The following MAGED1 variants were observed in gnomAD, a reference collection of about 807,000 sequenced individuals.
MAGED1 encodes the protein melanoma-associated antigen D1.
A neutral mutation model predicts 54.1 loss-of-function variants in MAGED1; 3 were observed. The observed-to-expected ratio is 0.06, with a 90% CI of 0.03 to 0.14. MAGED1 has a LOEUF of 0.14. Ranked by LOEUF, MAGED1 falls within the 10% of genes least tolerant of loss-of-function variation. The pLI, the probability that MAGED1 is intolerant of heterozygous loss-of-function variation, is 1.00. For synonymous variants in MAGED1, 217 were observed against 227.3 expected (o/e 0.95, Z 0.41); for missense variants, 485 against 623.4 (o/e 0.78, Z 2.36).
At chrX:51,894,763 A>T (rs1928644013) in intron 2 of MAGED1, 2 of 1,147,468 alleles carry the variant, frequency 1.7e-6, no homozygotes, top group Non-Finnish European at 2.3e-6. Context: ...CTGAGCTGCT[A>T]CTGCACGCCT....
chrX:51,848,891 TTCTTTTTTTTC>T (rs1213745134), intron 1 of MAGED1, among the ~76,000 whole-genome samples: 16 of 111,011 alleles, frequency 1.4e-4, no homozygotes, highest in Non-Finnish European at 1.9e-4. Flanking sequence ...TGTTTTTTAT[TTCTTTTTTTTC>T]TCTTTTTTTT....
intron 1 of MAGED1, among the ~76,000 whole-genome samples, chrX:51,856,793 C>T (rs1362013544): frequency 3.6e-5 from 4 of 111,439 alleles, no homozygotes; most frequent in Admixed American, 9.5e-5. Flanking sequence ...GTATTCCTTA[C>T]GCAGGGAAAT....
chrX:51,867,092 A>G (rs1011805202), intron 1 of MAGED1, among the ~76,000 whole-genome samples: 1 of 111,979 alleles, frequency 8.9e-6, no homozygotes, highest in East Asian at 2.8e-4. Context: ...TACTGATAAC[A>G]CTTCAGAGAA....
chrX:51,902,086 A>G, intron 12 of MAGED1, 60 bp from the exon 13 acceptor site: 1 of 481,649 alleles, frequency 2.1e-6, no homozygotes, highest in Non-Finnish European at 3.2e-6. Context: ...TGGTATGTAT[A>G]TTCCTTATTA....
intron 1 of MAGED1, among the ~76,000 whole-genome samples, chrX:51,842,158 A>C (rs1351422948): frequency 8.9e-6 from 1 of 112,006 alleles, no homozygotes; most frequent in African/African-American, 3.2e-5. Flanking sequence ...TCTCTACCTC[A>C]TTCATGGAGG....
At chrX:51,811,078 G>T (rs1426662896) in intron 1 of MAGED1, among the ~76,000 whole-genome samples, 8 of 111,847 alleles carry the variant, frequency 7.2e-5, no homozygotes, top group African/African-American at 2.6e-4. Flanking sequence ...TAATGTTAAA[G>T]CATAGTTACA....
At chrX:51,833,177 G>A (rs1364147182) in intron 1 of MAGED1, among the ~76,000 whole-genome samples, 4 of 110,836 alleles carry the variant, frequency 3.6e-5, no homozygotes, top group Non-Finnish European at 7.6e-5. Context: ...TGAATCCTTT[G>A]AAATGTTTAT....
intron 1 of MAGED1, among the ~76,000 whole-genome samples, chrX:51,825,050 G>A (rs782696369): frequency 9.1e-6 from 1 of 110,242 alleles, no homozygotes; most frequent in Non-Finnish European, 1.9e-5. Flanking sequence ...GGATTTAGGG[G>A]CTTATCAAAG....
intron 9 of MAGED1, 74 bp from the exon 10 acceptor site, chrX:51,898,507 C>A (rs1928865387): frequency 9.7e-7 from 1 of 1,030,354 alleles, no homozygotes; most frequent in Non-Finnish European, 1.3e-6. Context: ...TTTCTCATCT[C>A]TGACCTCTGT....
chrX:51,865,912 C>A (rs138973647), intron 1 of MAGED1, among the ~76,000 whole-genome samples: 219 of 111,716 alleles, frequency 2.0e-3, no homozygotes, highest in African/African-American at 6.9e-3. Context: ...CCACCCTTCT[C>A]TCTCTTCCTC....
At chrX:51,841,824 T>C (rs979928960) in intron 1 of MAGED1, among the ~76,000 whole-genome samples, 2 of 112,074 alleles carry the variant, frequency 1.8e-5, no homozygotes, top group Admixed American at 1.9e-4. Context: ...TACCGTGCTG[T>C]TTTGGTTACT....
At chrX:51,810,934 A>C (rs1246451847) in intron 1 of MAGED1, among the ~76,000 whole-genome samples, 1 of 112,079 alleles carries the variant, frequency 8.9e-6, no homozygotes, top group Admixed American at 9.4e-5. Flanking sequence ...TACCACAGAC[A>C]TGAAGATGTA....
chrX:51,838,777 C>T (rs1442823103), intron 1 of MAGED1, among the ~76,000 whole-genome samples: 1 of 111,536 alleles, frequency 9.0e-6, no homozygotes, highest in Non-Finnish European at 1.9e-5. Context: ...CATACATTGA[C>T]CTCAGTGGTC....
chrX:51,901,217 A>G (rs1043892344), intron 11 of MAGED1, among the ~76,000 whole-genome samples: 1 of 111,926 alleles, frequency 8.9e-6, no homozygotes, highest in Non-Finnish European at 1.9e-5. Context: ...CTTTTAACCG[A>G]TATCTCCCTA....
chrX:51,878,159 C>T (rs1455178743), intron 1 of MAGED1, among the ~76,000 whole-genome samples: 3 of 111,134 alleles, frequency 2.7e-5, no homozygotes, highest in African/African-American at 9.8e-5. Flanking sequence ...AACAAATATC[C>T]CCAAACTGTG....
chrX:51,894,106 G>A (rs782414103), intron 1 of MAGED1, among the ~76,000 whole-genome samples, 163 bp from the exon 2 acceptor site: 8 of 110,347 alleles, frequency 7.2e-5, no homozygotes, highest in African/African-American at 2.6e-4. Flanking sequence ...GCTTCTCGGG[G>A]TTCAGAACCT....
chrX:51,902,011 G>A (rs1602278956), intron 12 of MAGED1, 73 bp downstream of exon 12: 5 of 1,037,948 alleles, frequency 4.8e-6, no homozygotes, highest in Non-Finnish European at 1.3e-6. Flanking sequence ...GTATTTATGT[G>A]CATGAGCTAG....
chrX:51,862,532 C>T (rs1251281464), intron 1 of MAGED1, among the ~76,000 whole-genome samples: 2 of 110,861 alleles, frequency 1.8e-5, no homozygotes, highest in Non-Finnish European at 1.9e-5. Flanking sequence ...CTTTGGTTTT[C>T]GTATATTTTT....
intron 1 of MAGED1, among the ~76,000 whole-genome samples, chrX:51,839,863 T>C (rs183312275): frequency 8.0e-5 from 9 of 112,347 alleles, no homozygotes; most frequent in Non-Finnish European, 1.7e-4. Flanking sequence ...TAGAAATCTG[T>C]CCTTCAAATT....
Sources: gnomAD v4.1 joint callset for allele counts (sites outside exome capture counted in the v4.1 genomes callset) on GRCh38, gnomAD v4.1.1 for gene constraint, MANE v1.5 for transcripts, NCBI Gene and HGNC (gene_info 2026-07-23, HGNC 2026-07-21) for gene names.